DOCK2: variants seen among roughly 807,000 people sequenced by gnomAD.
DOCK2 encodes the protein dedicator of cytokinesis 2.
Under a neutral mutation model 248.9 loss-of-function variants are expected in DOCK2, and 87 were observed. The observed-to-expected ratio is 0.35, with a 90% CI of 0.29 to 0.42. The LOEUF is 0.42. Ranked by LOEUF, DOCK2 falls within the 10% of genes least tolerant of loss-of-function variation. The pLI is 1.00. For missense variants in DOCK2, 1,747 were observed against 2,300.2 expected, an observed-to-expected ratio of 0.76 and a Z score of 4.92; for synonymous variants, 805 against 821.6, an observed-to-expected ratio of 0.98 and a Z score of 0.35.
At chr5:170,070,152 G>A (rs1396139394) in intron 46 of DOCK2, among the ~76,000 whole-genome samples, 1 of 152,268 alleles carries the variant, frequency 6.6e-6, no homozygotes, top group Non-Finnish European at 1.5e-5. Flanking sequence ...TCAGAACACA[G>A]GGGTGGGCTC....
chr5:170,041,112 C>CT lies in DOCK2; in HGVS notation c.3724dup (p.Tyr1242LeufsTer15). 1 of 1,614,184 alleles carries CT rather than the reference C, an allele frequency of 6.2e-7. No individual in the cohort carries two copies. Among genetic ancestry groups the CT allele is most frequent in the Non-Finnish European group, 8.5e-7 (1 of 1,180,028 alleles). ...ACTGTGACAATTACACAGAGGCTGC[C>CT]TACACGCTCCTTCTCCACACCTGGC... On this transcript the variant is annotated frameshift_variant, in exon 37 of 52. Transcript: ENST00000520908. LOFTEE classifies it high-confidence loss of function.
At chr5:170,051,051 G>A (rs1397864189) in intron 41 of DOCK2, among the ~76,000 whole-genome samples, 1 of 152,190 alleles carries the variant, frequency 6.6e-6, no homozygotes, top group Non-Finnish European at 1.5e-5. Flanking sequence ...GCCATGCAGA[G>A]TACTGTGGTT....
chr5:170,054,135 G>A (rs1192842512), intron 41 of DOCK2, among the ~76,000 whole-genome samples: 1 of 152,226 alleles, frequency 6.6e-6, no homozygotes, highest in Non-Finnish European at 1.5e-5. Flanking sequence ...GAAGTAGTAG[G>A]ATCCATTGGA....
rs1475213264 is a variant in DOCK2, at chr5:170,009,850, C to A, written c.3232+1104C>A. On this transcript the variant is annotated intron_variant, in intron 32 of 51. Transcript: ENST00000520908. ...CTGTGGTTGCTGATAGCATCAGACT[C>A]GAGCTAAGAGAAGTACATGCTGGAT... Among the ~76,000 whole-genome samples, 4 of 152,294 alleles carry A rather than the reference C, an allele frequency of 2.6e-5. No individual in the cohort carries two copies. In the East Asian group the frequency reaches 7.7e-4, roughly 29 times the overall value.
At chr5:169,676,185 C>A (rs371062188) in intron 6 of DOCK2, among the ~76,000 whole-genome samples, 1 of 152,130 alleles carries the variant, frequency 6.6e-6, no homozygotes. Context: ...CGCCTTGGCC[C>A]GGGGTAGGTG....
At chr5:169,828,782 C>T (rs1371745488) in intron 26 of DOCK2, among the ~76,000 whole-genome samples, 1 of 152,208 alleles carries the variant, frequency 6.6e-6, no homozygotes, top group Non-Finnish European at 1.5e-5. Context: ...TCCTTTCTCT[C>T]TGCAACAGTT....
At chr5:169,793,949 T>C (rs1561701875) in intron 25 of DOCK2, among the ~76,000 whole-genome samples, 1 of 152,202 alleles carries the variant, frequency 6.6e-6, no homozygotes, top group Non-Finnish European at 1.5e-5. Context: ...GAGGCCTTCG[T>C]TGACTGCACT....
chr5:169,909,649 A>G (rs1008937600), intron 27 of DOCK2, among the ~76,000 whole-genome samples: 5 of 152,182 alleles, frequency 3.3e-5, no homozygotes, highest in African/African-American at 1.2e-4. Context: ...CAAGAATTCA[A>G]ACTCAAATCT....
intron 25 of DOCK2, among the ~76,000 whole-genome samples, chr5:169,784,991 A>G (rs1299612710): frequency 6.6e-6 from 1 of 152,250 alleles, no homozygotes; most frequent in Non-Finnish European, 1.5e-5. Flanking sequence ...AAGCTCTATG[A>G]AGATAGATAT....
At chr5:170,082,727 G>A in intron 51 of DOCK2, 69 bp from the exon 52 acceptor site, 5 of 1,583,190 alleles carry the variant, frequency 3.2e-6, no homozygotes, top group African/African-American at 2.7e-5. Context: ...ATTAGGACTG[G>A]GAAGCTCCAT....
Position 169,764,144 on chromosome 5 carries a change from T to C in DOCK2, c.2554+2519T>C, listed in dbSNP as rs1473214969. Among the ~76,000 whole-genome samples the C allele has an allele frequency of 1.3e-5, 2 of 152,236 alleles. No homozygotes were observed. The highest frequency in any genetic ancestry group is 2.9e-5 in the Non-Finnish European group (2 of 68,040). On this transcript the variant is annotated intron_variant, in intron 25 of 51. Coordinates refer to ENST00000520908, the MANE Select transcript of DOCK2 (RefSeq NM_004946.3). The surrounding 1 kb of genome is among the most constrained non-coding windows in gnomAD (Gnocchi z 4.3). ...GAAATTCCTCCTGTTATTCTCCCTG[T>C]GAAGTGTCCTGTGCCTCGGGGACGT... is the stretch of plus-strand genomic sequence containing the variant.
chr5:169,669,417 C>G lies in DOCK2; in HGVS notation c.168+89C>G. ...TCTGAGCAGGTCTCTCCCACCATTG[C>G]TCCTCAGCAAAGGGAATCCATCTCT... On this transcript the variant is annotated intron_variant, in intron 3 of 51. Coordinates refer to ENST00000520908, the MANE Select transcript of DOCK2 (RefSeq NM_004946.3). 3 of 1,435,094 alleles carry G rather than the reference C, an allele frequency of 2.1e-6. No individual in the cohort carries two copies. In the South Asian group the frequency reaches 3.5e-5, roughly 17 times the overall value. The allele number at this position is 1,435,094 out of a possible 1,614,324, so 88.9% of individuals were successfully genotyped here. A position where few individuals can be genotyped will look rare whatever the true frequency, so the allele number is the denominator to read the frequency against.
chr5:169,704,306 C>G (rs1408288552), intron 14 of DOCK2, among the ~76,000 whole-genome samples: 2 of 152,166 alleles, frequency 1.3e-5, no homozygotes, highest in African/African-American at 4.8e-5. Context: ...TGGTGGGCTC[C>G]TGTGGAAATG....
chr5:169,809,211 G>C (rs1033271120), intron 26 of DOCK2, among the ~76,000 whole-genome samples: 1 of 152,080 alleles, frequency 6.6e-6, no homozygotes, highest in African/African-American at 2.4e-5. Context: ...GGCTGGTCCC[G>C]AACTCCTGAC....
At chr5:170,033,932 C>T (rs539233884) in intron 34 of DOCK2, among the ~76,000 whole-genome samples, 19 of 152,244 alleles carry the variant, frequency 1.2e-4, no homozygotes, top group African/African-American at 4.6e-4. Flanking sequence ...AGGCCTTTCC[C>T]AATTGATGAG....
At chr5:169,985,397 G>GTGTA (rs1410200099) in intron 28 of DOCK2, among the ~76,000 whole-genome samples, 1 of 148,300 alleles carries the variant, frequency 6.7e-6, no homozygotes, top group African/African-American at 2.5e-5. Flanking sequence ...GTGTGTGTAT[G>GTGTA]TGTGTGACAT....
At chr5:169,742,264 G>A (rs1369814740) in intron 22 of DOCK2, among the ~76,000 whole-genome samples, 1 of 152,186 alleles carries the variant, frequency 6.6e-6, no homozygotes, top group Non-Finnish European at 1.5e-5. Context: ...TGTATATGAT[G>A]TAATAGTAGC....
chr5:169,959,965 G>C (rs539170896), intron 27 of DOCK2, among the ~76,000 whole-genome samples: 1 of 152,318 alleles, frequency 6.6e-6, no homozygotes, highest in South Asian at 2.1e-4. Flanking sequence ...GTCCAGATAA[G>C]AGTAAATAGG....
At chr5:169,929,130 T>A (rs1229507704) in intron 27 of DOCK2, among the ~76,000 whole-genome samples, 1 of 152,194 alleles carries the variant, frequency 6.6e-6, no homozygotes, top group Non-Finnish European at 1.5e-5. Flanking sequence ...AGAGTGCCTA[T>A]GCAGGAAGCC....
Sources: allele counts gnomAD v4.1 joint callset (sites outside exome capture counted in the v4.1 genomes callset), GRCh38; gene constraint gnomAD v4.1.1; non-coding constraint Gnocchi (gnomAD v3.1); transcripts MANE v1.5; gene names NCBI Gene and HGNC (gene_info 2026-07-23, HGNC 2026-07-21).